ACSS3: variants seen among roughly 807,000 people sequenced by gnomAD.
The protein encoded by ACSS3 is acyl-CoA synthetase short-chain family member 3, mitochondrial.
ACSS3 carries 64 observed loss-of-function variants against 84.2 expected under a neutral mutation model. The observed-to-expected ratio is 0.76, with a 90% CI of 0.62 to 0.94. The LOEUF (loss-of-function observed/expected upper bound fraction) is 0.94. Among genes scored for constraint, ACSS3 ranks in the 40% least tolerant of loss-of-function variants. The pLI is 0.00. For synonymous variants in ACSS3, 317 were observed against 310.1 expected, an observed-to-expected ratio of 1.02 and a Z score of -0.23; for missense variants, 815 against 867.6, an observed-to-expected ratio of 0.94 and a Z score of 0.76.
chr12:81,242,435 A>T (rs2033838428), intron 13 of ACSS3, among the ~76,000 whole-genome samples: 1 of 151,002 alleles, frequency 6.6e-6, no homozygotes, highest in Admixed American at 6.6e-5. Flanking sequence ...AGGTACAAGG[A>T]GGAACTGGTA....
At chr12:81,088,481 G>A (rs145935545) in intron 1 of ACSS3, among the ~76,000 whole-genome samples, 178 of 152,126 alleles carry the variant, frequency 1.2e-3, no homozygotes, top group African/African-American at 4.1e-3. Flanking sequence ...AAAAACAGCT[G>A]TTATGAAAAC....
chr12:81,244,468 C>G (rs542615388), intron 13 of ACSS3, among the ~76,000 whole-genome samples: 51 of 151,666 alleles, frequency 3.4e-4, no homozygotes, highest in African/African-American at 1.2e-3. Context: ...CCATTTCTTT[C>G]TTTTCCTCTC....
chr12:81,251,334 T>C (rs1053020573), intron 13 of ACSS3, among the ~76,000 whole-genome samples: 4 of 152,140 alleles, frequency 2.6e-5, no homozygotes, highest in African/African-American at 9.7e-5. Flanking sequence ...AACTCAGGCA[T>C]GTACAGAGTA....
chr12:81,181,746 G>GAAAAAAAAA (rs1565708345), intron 8 of ACSS3, among the ~76,000 whole-genome samples: 1 of 7,204 alleles, frequency 1.4e-4, no homozygotes, highest in East Asian at 2.0e-3. Context: ...AATCAATTAA[G>GAAAAAAAAA]CAAAAAAAAA....
intron 2 of ACSS3, among the ~76,000 whole-genome samples, chr12:81,125,201 G>A (rs546403235): frequency 6.6e-6 from 1 of 151,774 alleles, no homozygotes; most frequent in East Asian, 1.9e-4. Context: ...GCAGAAGAGC[G>A]AGACTTCGTC....
intron 11 of ACSS3, among the ~76,000 whole-genome samples, chr12:81,229,315 T>A (rs2135965448): frequency 6.6e-6 from 1 of 152,024 alleles, no homozygotes; most frequent in Middle Eastern, 3.4e-3. Context: ...ACATACAATT[T>A]GCTTCACTCA....
intron 13 of ACSS3, among the ~76,000 whole-genome samples, chr12:81,239,427 A>G (rs2033722326): frequency 6.6e-6 from 1 of 152,014 alleles, no homozygotes. Context: ...ATGAAGGTGT[A>G]TTAGTCTGTT....
intron 7 of ACSS3, among the ~76,000 whole-genome samples, chr12:81,160,457 A>G (rs921015869): frequency 1.3e-5 from 2 of 152,228 alleles, no homozygotes; most frequent in South Asian, 2.1e-4. Context: ...GAATGATGGT[A>G]CAGGAGTATG....
At position 81,108,158 on chromosome 12, in the gene ACSS3, T is replaced by C. The variant is rs569348746; in HGVS notation, c.312-1402T>C. ...CATTATATAAATTAATTCTGTGCTA[T>C]GCTGTAGGTAATCAAATTTGCTATT... is the stretch of plus-strand genomic sequence containing the variant. On this transcript the variant is annotated intron_variant, in intron 1 of 15. Transcript: ENST00000548058. 1.1e-4 allele frequency among the ~76,000 whole-genome samples: 16 copies of C among 152,130 alleles called. No individual in the cohort carries two copies. In the South Asian group the frequency reaches 2.5e-3, roughly 24 times the overall value.
intron 9 of ACSS3, among the ~76,000 whole-genome samples, chr12:81,213,591 C>G (rs1593203156): frequency 2.3e-4 from 3 of 12,948 alleles, no homozygotes; most frequent in Non-Finnish European, 5.1e-4. Flanking sequence ...CCTCCCCTCC[C>G]CTCCCCTCCC....
chr12:81,094,606 C>T (rs915132825), intron 1 of ACSS3: 14 of 152,144 alleles, frequency 9.2e-5, no homozygotes, highest in Admixed American at 9.2e-4. Context: ...CAACATCTCT[C>T]CATGGACATG....
intron 1 of ACSS3, among the ~76,000 whole-genome samples, chr12:81,084,757 G>A (rs1881207427): frequency 6.6e-6 from 1 of 152,192 alleles, no homozygotes; most frequent in African/African-American, 2.4e-5. Context: ...TTGTAAAGGA[G>A]AGAAAAGATA....
intron 2 of ACSS3, among the ~76,000 whole-genome samples, chr12:81,118,374 C>G (rs1426073025): frequency 6.6e-6 from 1 of 152,176 alleles, no homozygotes; most frequent in African/African-American, 2.4e-5. Flanking sequence ...TCATCTGCAT[C>G]GCTGAAGCTG....
At chr12:81,157,635 C>T (rs566103508) in intron 7 of ACSS3, among the ~76,000 whole-genome samples, 3 of 152,110 alleles carry the variant, frequency 2.0e-5, no homozygotes, top group East Asian at 3.9e-4. Context: ...GGTGAAACCC[C>T]ATCTCTACTA....
At chr12:81,229,529 G>A (rs1203756288) in intron 11 of ACSS3, among the ~76,000 whole-genome samples, 2 of 151,858 alleles carry the variant, frequency 1.3e-5, no homozygotes, top group Admixed American at 6.6e-5. Context: ...ACAAACTGAT[G>A]TAGTGATGTT....
chr12:81,230,780 T>C (rs2033431611), intron 11 of ACSS3, among the ~76,000 whole-genome samples: 1 of 151,922 alleles, frequency 6.6e-6, no homozygotes, highest in Admixed American at 6.6e-5. Context: ...TGTTTTTCAC[T>C]GAAGCAATGC....
chr12:81,107,552 A>ATG (rs1883165540), intron 1 of ACSS3, among the ~76,000 whole-genome samples: 1 of 103,374 alleles, frequency 9.7e-6, no homozygotes, highest in East Asian at 2.7e-4. Context: ...ATATATATAT[A>ATG]TATATATAAA....
intron 15 of ACSS3, among the ~76,000 whole-genome samples, chr12:81,254,222 T>C (rs1268648587): frequency 6.6e-6 from 1 of 152,132 alleles, no homozygotes; most frequent in Non-Finnish European, 1.5e-5. Flanking sequence ...GAGCCACTGC[T>C]GCCTGCCAAA....
At chr12:81,136,046 AAT>A (rs1422052926) in intron 3 of ACSS3, among the ~76,000 whole-genome samples, 24 of 152,266 alleles carry the variant, frequency 1.6e-4, no homozygotes, top group African/African-American at 5.8e-4. Context: ...GGTAATAAGT[AAT>A]ACTTATCAAA....
Sources: gnomAD v4.1 joint callset for allele counts (sites outside exome capture counted in the v4.1 genomes callset) on GRCh38, gnomAD v4.1.1 for gene constraint, MANE v1.5 for transcripts, NCBI Gene and HGNC (gene_info 2026-07-23, HGNC 2026-07-21) for gene names.